LARP1B: variants seen among roughly 807,000 people sequenced by gnomAD.
LARP1B encodes the protein La ribonucleoprotein 1B, also known as la-related protein 1B.
A neutral mutation model predicts 114.2 loss-of-function variants in LARP1B; 76 were observed. That is an observed-to-expected ratio of 0.67 (90% CI 0.55 to 0.81). LARP1B has a LOEUF of 0.81. Among genes scored for constraint, LARP1B ranks in the 30% least tolerant of loss-of-function variants. The pLI is 0.00. For missense variants in LARP1B, 1,014 were observed against 1,075.8 expected (o/e 0.94, Z 0.80); for synonymous variants, 345 against 348.0 (o/e 0.99, Z 0.10).
intron 11 of LARP1B, among the ~76,000 whole-genome samples, chr4:128,125,606 A>G (rs1242434740): frequency 2.0e-5 from 3 of 152,128 alleles, no homozygotes; most frequent in African/African-American, 7.2e-5. Flanking sequence ...TTAGCTGGAC[A>G]TGGTGGCGCG....
At position 128,061,656 on chromosome 4, in the gene LARP1B, G is replaced by A. The variant is rs184401763; in HGVS notation, c.-78+255G>A. The A allele has an allele frequency of 6.3e-3, 6,203 of 983,670 alleles. 17 individuals are homozygous for A. The highest frequency in any genetic ancestry group is 6.9e-3 in the Non-Finnish European group (5,717 of 828,552). The allele number at this position is 983,670 out of a possible 1,614,324, so 60.9% of individuals were successfully genotyped here. A position where few individuals can be genotyped will look rare whatever the true frequency, so the allele number is the denominator to read the frequency against. ...ACGGGCAGTCGGGTTCCCTGGCCTC[G>A]GGGCCACCCCGGCTGGGGCGGCTGG... On this transcript the variant is annotated intron_variant, in intron 1 of 19. Transcript: ENST00000326639.
chr4:128,200,835 C>T (rs1357446466), intron 17 of LARP1B, among the ~76,000 whole-genome samples, 170 bp downstream of exon 17: 1 of 152,104 alleles, frequency 6.6e-6, no homozygotes, highest in Non-Finnish European at 1.5e-5. Flanking sequence ...TAGAGGGAGA[C>T]CTGTATTAGT....
intron 15 of LARP1B, among the ~76,000 whole-genome samples, chr4:128,190,617 C>T (rs898174622): frequency 6.6e-5 from 10 of 152,068 alleles, no homozygotes; most frequent in African/African-American, 1.4e-4. Context: ...AAGTGTTTGA[C>T]GGTTTCTCCT....
rs1029718094 is a variant in LARP1B, at chr4:128,177,420, A to AT, written c.1684+522dup. Among the ~76,000 whole-genome samples, 60 of 151,192 alleles carry AT rather than the reference A, an allele frequency of 4.0e-4. 2 individuals carry two copies. The highest frequency in any genetic ancestry group is 2.1e-4 in the South Asian group (1 of 4,784). On this transcript the variant is annotated intron_variant, in intron 13 of 19. Coordinates refer to ENST00000326639, the MANE Select transcript of LARP1B (RefSeq NM_018078.4). ...GAAAAACCACACAGAAATAGTGCCT[A>AT]TTTTTTTTTGTTGCTACTGCTTGAT... is the stretch of plus-strand genomic sequence containing the variant.
At chr4:128,179,536 T>C (rs747309359) in intron 15 of LARP1B, 24 bp downstream of exon 15, 3 of 1,464,682 alleles carry the variant, frequency 2.0e-6, no homozygotes, top group Non-Finnish European at 2.8e-6. Flanking sequence ...CAAACATTAC[T>C]TTTTTGTTCG....
At chr4:128,183,077 G>C (rs1453573242) in intron 15 of LARP1B, among the ~76,000 whole-genome samples, 3 of 152,164 alleles carry the variant, frequency 2.0e-5, no homozygotes, top group Non-Finnish European at 4.4e-5. Flanking sequence ...AGGTGAAGGA[G>C]CAAGTGCTGA....
chr4:128,111,583 G>A (rs1379210325), intron 9 of LARP1B, among the ~76,000 whole-genome samples: 3 of 152,110 alleles, frequency 2.0e-5, no homozygotes, highest in African/African-American at 7.2e-5. Flanking sequence ...TGCATGTGTA[G>A]TACTAGTTAT....
At chr4:128,135,476 T>C (rs1793076031) in intron 11 of LARP1B, among the ~76,000 whole-genome samples, 1 of 152,178 alleles carries the variant, frequency 6.6e-6, no homozygotes. Flanking sequence ...GTGTCCATGT[T>C]CAGAGCAGCA....
intron 1 of LARP1B, chr4:128,061,643 G>A (rs560999362): frequency 1.0e-6 from 1 of 979,650 alleles, no homozygotes; most frequent in Non-Finnish European, 1.2e-6. Flanking sequence ...GGGCAGTCGG[G>A]TTCCCTGGCC....
chr4:128,107,964 T>C, intron 9 of LARP1B: 1 of 1,532,596 alleles, frequency 6.5e-7, no homozygotes, highest in South Asian at 1.2e-5. Context: ...GAAATGCCTT[T>C]ATAAATACTG....
At chr4:128,208,036 A>G (rs1447742296) in intron 19 of LARP1B, among the ~76,000 whole-genome samples, 4 of 152,244 alleles carry the variant, frequency 2.6e-5, no homozygotes, top group Admixed American at 1.3e-4. Flanking sequence ...AATAAAAAAT[A>G]AAGGAAAAAG....
At chr4:128,205,578 T>A (rs1462557859) in intron 17 of LARP1B, among the ~76,000 whole-genome samples, 1 of 152,226 alleles carries the variant, frequency 6.6e-6, no homozygotes, top group African/African-American at 2.4e-5. Context: ...ATATATCTAC[T>A]ATTAATTGTA....
At chr4:128,065,499 A>G (rs1762466718) in intron 1 of LARP1B, among the ~76,000 whole-genome samples, 2 of 151,466 alleles carry the variant, frequency 1.3e-5, no homozygotes, top group Non-Finnish European at 2.9e-5. Flanking sequence ...CAGGCTTTCT[A>G]TTTTCTTAAG....
Position 128,207,357 on chromosome 4 carries a change from A to C in LARP1B, c.2521A>C (p.Lys841Gln), listed in dbSNP as rs780092717. ...PKLQEYLCSF[K>Q]RLEDFRVDPP... ...ACTTCAGGAATACCTCTGTAGTTTT[A>C]AGAGGTTAGAAGACTTCCGTGTTGA... Residue 841 changes from lysine to glutamine, a missense_variant, in exon 19 of 20, where the codon AAG (lysine) becomes CAG (glutamine). Lys to Gln is a moderately conservative substitution (Grantham distance 53). Coordinates refer to ENST00000326639, the MANE Select transcript of LARP1B (RefSeq NM_018078.4). The C allele has an allele frequency of 6.5e-7, 1 of 1,532,988 alleles. No individual in the cohort carries two copies. The highest frequency in any genetic ancestry group is 2.4e-5 in the East Asian group (1 of 42,012). 95.0% of individuals were successfully genotyped at this position (1,532,988 alleles called of 1,614,324 possible).
At chr4:128,179,055 T>A (rs1747433132) in intron 14 of LARP1B, among the ~76,000 whole-genome samples, 1 of 152,194 alleles carries the variant, frequency 6.6e-6, no homozygotes, top group Admixed American at 6.5e-5. Flanking sequence ...ATCATGCCAC[T>A]GCACTCCAGC....
At chr4:128,184,299 C>T (rs1749564371) in intron 15 of LARP1B, among the ~76,000 whole-genome samples, 1 of 152,122 alleles carries the variant, frequency 6.6e-6, no homozygotes, top group Non-Finnish European at 1.5e-5. Flanking sequence ...ACAGCCATTC[C>T]AACCGTCAGC....
At chr4:128,130,500 A>G (rs1256499897) in intron 11 of LARP1B, among the ~76,000 whole-genome samples, 7 of 152,266 alleles carry the variant, frequency 4.6e-5, no homozygotes, top group Admixed American at 4.6e-4. Flanking sequence ...ATACTACTGT[A>G]GATTCATTAG....
chr4:128,217,866 A>G (rs1759642623), intron 6 of LARP1B, among the ~76,000 whole-genome samples: 1 of 149,866 alleles, frequency 6.7e-6, no homozygotes, highest in African/African-American at 2.5e-5. Context: ...CCCTGTTTGC[A>G]GACGACATGA....
At chr4:128,104,365 G>T (rs754216922) in intron 8 of LARP1B, among the ~76,000 whole-genome samples, 6 of 152,130 alleles carry the variant, frequency 3.9e-5, no homozygotes, top group Non-Finnish European at 8.8e-5. Flanking sequence ...TCATATTGGT[G>T]TATAGCAGTT....
Sources: gnomAD v4.1 joint callset for allele counts (sites outside exome capture counted in the v4.1 genomes callset) on GRCh38, gnomAD v4.1.1 for gene constraint, MANE v1.5 for transcripts, NCBI Gene and HGNC (gene_info 2026-07-23, HGNC 2026-07-21) for gene names.